The following ZFPM2 variants were observed in gnomAD, a reference collection of about 807,000 sequenced individuals.
ZFPM2 encodes the protein zinc finger protein, FOG family member 2.
Under a neutral mutation model 98.6 loss-of-function variants are expected in ZFPM2, and 20 were observed. The observed-to-expected ratio is 0.20, with a 90% CI of 0.14 to 0.29. ZFPM2 has a LOEUF of 0.29. Among genes scored for constraint, ZFPM2 ranks in the 10% least tolerant of loss-of-function variants. ZFPM2 has a pLI of 1.00. For synonymous variants in ZFPM2, 518 were observed against 502.7 expected, an observed-to-expected ratio of 1.03 and a Z score of -0.41; for missense variants, 1,310 against 1,388.6, an observed-to-expected ratio of 0.94 and a Z score of 0.90.
chr8:105,322,515 G>T (rs1812046793), intron 1 of ZFPM2, among the ~76,000 whole-genome samples: 1 of 148,178 alleles, frequency 6.7e-6, no homozygotes. Flanking sequence ...TATAGAGCTT[G>T]AAAAGGAGAA....
At chr8:105,540,525 T>C (rs1814553919) in intron 3 of ZFPM2, among the ~76,000 whole-genome samples, 1 of 152,124 alleles carries the variant, frequency 6.6e-6, no homozygotes, top group African/African-American at 2.4e-5. Context: ...CATCAATAAA[T>C]GACGTTAAAA....
chr8:105,595,154 C>A (rs1429879714), intron 4 of ZFPM2, among the ~76,000 whole-genome samples: 4 of 152,116 alleles, frequency 2.6e-5, no homozygotes, highest in Admixed American at 6.6e-5. Flanking sequence ...AACCATTGTA[C>A]AGTCTTAGCA....
At chr8:105,778,823 A>T (rs1399428293) in intron 5 of ZFPM2, among the ~76,000 whole-genome samples, 1 of 151,772 alleles carries the variant, frequency 6.6e-6, no homozygotes, top group East Asian at 1.9e-4. Flanking sequence ...TTTTCTCCAA[A>T]TTTTTATGAA....
At chr8:105,357,618 G>A (rs1470366779) in intron 1 of ZFPM2, among the ~76,000 whole-genome samples, 1 of 151,936 alleles carries the variant, frequency 6.6e-6, no homozygotes, top group African/African-American at 2.4e-5. Flanking sequence ...AAGTCAGTTG[G>A]TTTATGTTTC....
At chr8:105,359,181 C>T (rs944483456) in intron 1 of ZFPM2, among the ~76,000 whole-genome samples, 20 of 151,910 alleles carry the variant, frequency 1.3e-4, no homozygotes, top group Admixed American at 5.2e-4. Context: ...TGGTAGTTTT[C>T]CCCATGCTCG....
intron 1 of ZFPM2, among the ~76,000 whole-genome samples, chr8:105,393,762 A>T (rs900124897): frequency 1.3e-5 from 2 of 152,202 alleles, no homozygotes; most frequent in African/African-American, 4.8e-5. Context: ...AATTAAATGT[A>T]ACAGTGTAAA....
chr8:105,588,969 T>C (rs147092787), intron 4 of ZFPM2, among the ~76,000 whole-genome samples: 93 of 152,294 alleles, frequency 6.1e-4, no homozygotes, highest in Admixed American at 1.2e-3. Context: ...GTGTACACAG[T>C]TGAATGAGAT....
chr8:105,656,546 C>G (rs1327960418), intron 5 of ZFPM2, among the ~76,000 whole-genome samples: 2 of 152,160 alleles, frequency 1.3e-5, no homozygotes, highest in Admixed American at 1.3e-4. Context: ...GAGTCCCAAA[C>G]TGTGCCCTAC....
chr8:105,401,604 C>T (rs1401562864), intron 1 of ZFPM2, among the ~76,000 whole-genome samples: 1 of 152,076 alleles, frequency 6.6e-6, no homozygotes, highest in Non-Finnish European at 1.5e-5. Flanking sequence ...GGTCATCTTA[C>T]TTGTTTTACT....
chr8:105,355,972 G>C (rs1283830781), intron 1 of ZFPM2, among the ~76,000 whole-genome samples: 1 of 152,068 alleles, frequency 6.6e-6, no homozygotes, highest in South Asian at 2.1e-4. Flanking sequence ...GATAAAGCAC[G>C]CCCCATCTCT....
chr8:105,488,141 C>G (rs776722766), intron 3 of ZFPM2, among the ~76,000 whole-genome samples: 1 of 152,042 alleles, frequency 6.6e-6, no homozygotes, highest in Non-Finnish European at 1.5e-5. Flanking sequence ...TCGAAGTTCA[C>G]AGTTTTCATT....
At chr8:105,510,507 A>G (rs1729217249) in intron 3 of ZFPM2, among the ~76,000 whole-genome samples, 1 of 151,886 alleles carries the variant, frequency 6.6e-6, no homozygotes, top group Non-Finnish European at 1.5e-5. Context: ...CCATTCAGTC[A>G]TGAAATAAAG....
intron 1 of ZFPM2, among the ~76,000 whole-genome samples, chr8:105,320,675 A>C (rs528095334): frequency 1.1e-4 from 17 of 152,330 alleles, no homozygotes; most frequent in African/African-American, 3.8e-4. Flanking sequence ...TGTATGGCAC[A>C]AGACCATCTG....
intron 2 of ZFPM2, among the ~76,000 whole-genome samples, chr8:105,433,044 GA>G (rs1288442076): frequency 1.3e-5 from 2 of 151,988 alleles, no homozygotes; most frequent in Non-Finnish European, 2.9e-5. Flanking sequence ...AGGTTACAGT[GA>G]ACTGATTGCA....
At chr8:105,707,112 G>A (rs1811281885) in intron 5 of ZFPM2, among the ~76,000 whole-genome samples, 1 of 151,690 alleles carries the variant, frequency 6.6e-6, no homozygotes, top group Admixed American at 6.6e-5. Flanking sequence ...TTGCTGTGGT[G>A]CACACCTGTT....
rs1814072860 is a variant in ZFPM2, at chr8:105,802,741, C to T, written c.2659C>T (p.Leu887=). ...CPVTAHQRND[L]GQLDGKVFPN... is the part of the protein sequence containing the mutation. ...GGTTACTGCACATCAGCGTAATGACCTGGGTCAACTGGACGGCAAAGTGTT... is the reference window on the plus strand; with the variant it reads ...GGTTACTGCACATCAGCGTAATGACTTGGGTCAACTGGACGGCAAAGTGTT... The change falls in exon 8 of 8, where the codon CTG becomes TTG. Residue 887 remains leucine (L), a synonymous_variant. Coordinates refer to ENST00000407775, the MANE Select transcript of ZFPM2 (RefSeq NM_012082.4). 6.2e-7 allele frequency: 1 copy of T among 1,613,416 alleles called. No homozygotes were observed.
intron 5 of ZFPM2, among the ~76,000 whole-genome samples, chr8:105,687,271 A>C (rs548142780): frequency 6.6e-6 from 1 of 152,106 alleles, no homozygotes; most frequent in African/African-American, 2.4e-5. Flanking sequence ...GTTGTTGTTG[A>C]GTCATTATAC....
chr8:105,634,666 G>A (rs540715034), intron 5 of ZFPM2, among the ~76,000 whole-genome samples: 14 of 152,098 alleles, frequency 9.2e-5, no homozygotes, highest in African/African-American at 3.4e-4. Flanking sequence ...CAGGTTTGAC[G>A]AAACTCCAAT....
At position 105,674,559 on chromosome 8, in the gene ZFPM2, G is replaced by T. The variant is rs1253193841; in HGVS notation, c.532+40202G>T. Among the ~76,000 whole-genome samples the T allele has an allele frequency of 2.0e-5, 3 of 152,122 alleles. No homozygotes were observed. The East Asian group carries it at 5.8e-4, about 29-fold the overall frequency. On this transcript the variant is annotated intron_variant, in intron 5 of 7. Coordinates refer to ENST00000407775, the MANE Select transcript of ZFPM2 (RefSeq NM_012082.4). ...TTTCTCCTCATTGCCTTTTTGTTCC[G>T]TACCTTGGCATCATATTTTTAAAAG... is the stretch of plus-strand genomic sequence containing the variant.
Sources: allele counts gnomAD v4.1 joint callset (sites outside exome capture counted in the v4.1 genomes callset), GRCh38; gene constraint gnomAD v4.1.1; transcripts MANE v1.5; gene names NCBI Gene and HGNC (gene_info 2026-07-23, HGNC 2026-07-21).